Variants in SMPD3 observed in about 807,000 individuals in gnomAD.
SMPD3 encodes the protein nSMase-2.
A neutral mutation model predicts 55.7 loss-of-function variants in SMPD3; 21 were observed. That is an observed-to-expected ratio of 0.38 (90% CI 0.27 to 0.54). The LOEUF (loss-of-function observed/expected upper bound fraction) is 0.54. SMPD3 is among the 20% of genes least tolerant of loss of function. The pLI is 0.80. For missense variants in SMPD3, 842 were observed against 899.6 expected, an observed-to-expected ratio of 0.94 and a Z score of 0.82; for synonymous variants, 457 against 404.3, an observed-to-expected ratio of 1.13 and a Z score of -1.56.
chr16:68,409,475 A>G (rs1421659109), intron 1 of SMPD3, among the ~76,000 whole-genome samples: 1 of 152,178 alleles, frequency 6.6e-6, no homozygotes, highest in Non-Finnish European at 1.5e-5. Context: ...CCGTTTTTCC[A>G]TCTCTGAAGT....
chr16:68,423,922 T>C (rs2090415798), intron 1 of SMPD3, among the ~76,000 whole-genome samples: 1 of 151,950 alleles, frequency 6.6e-6, no homozygotes, highest in Admixed American at 6.5e-5. Context: ...AGAGCAGTGC[T>C]GGGGAGATGG....
intron 2 of SMPD3, 82 bp from the exon 3 acceptor site, chr16:68,372,469 C>T: frequency 2.1e-6 from 1 of 487,682 alleles, no homozygotes; most frequent in South Asian, 2.1e-5. Context: ...CCCAGCTCAT[C>T]CCACTCCTGC....
chr16:68,386,898 G>A (rs1024494957), intron 1 of SMPD3, among the ~76,000 whole-genome samples: 3 of 152,244 alleles, frequency 2.0e-5, no homozygotes, highest in Non-Finnish European at 2.9e-5. Context: ...GATTTTCAAG[G>A]AGGAGGGTTG....
chr16:68,363,707 G>A, intron 6 of SMPD3, 70 bp downstream of exon 6: 1 of 1,483,352 alleles, frequency 6.7e-7, no homozygotes, highest in South Asian at 1.2e-5. Flanking sequence ...TGTGGGGTAG[G>A]TCCTGGTGAT....
At chr16:68,366,206 C>T (rs1021884347) in intron 3 of SMPD3, among the ~76,000 whole-genome samples, 2 of 152,260 alleles carry the variant, frequency 1.3e-5, no homozygotes, top group African/African-American at 2.4e-5. Context: ...GTGGAGCTCA[C>T]AGCAGCCCAA....
intron 1 of SMPD3, among the ~76,000 whole-genome samples, chr16:68,437,912 G>T (rs1294170249): frequency 6.6e-6 from 1 of 152,182 alleles, no homozygotes; most frequent in Non-Finnish European, 1.5e-5. Flanking sequence ...AGAGAAATAA[G>T]CAGAATGAAT....
At chr16:68,414,502 G>A (rs1301176078) in intron 1 of SMPD3, among the ~76,000 whole-genome samples, 1 of 152,220 alleles carries the variant, frequency 6.6e-6, no homozygotes, top group African/African-American at 2.4e-5. Context: ...GATGGAGTCA[G>A]TCCTAATGCT....
chr16:68,440,214 T>C (rs1326900460), intron 1 of SMPD3, among the ~76,000 whole-genome samples: 1 of 152,224 alleles, frequency 6.6e-6, no homozygotes, highest in Non-Finnish European at 1.5e-5. Context: ...CATTGTTTTT[T>C]TGAGACGGTC....
chr16:68,363,901 G>A (rs567215232), intron 5 of SMPD3, 35 bp from the exon 6 acceptor site: 11 of 1,534,436 alleles, frequency 7.2e-6, no homozygotes, highest in East Asian at 2.4e-5. Flanking sequence ...GAGGCACCAG[G>A]GGGCTTTGCT....
At chr16:68,441,948 T>C (rs1056545785) in intron 1 of SMPD3, among the ~76,000 whole-genome samples, 9 of 152,142 alleles carry the variant, frequency 5.9e-5, no homozygotes, top group African/African-American at 1.7e-4. Context: ...TTATTTTTTA[T>C]AGAGACGGGG....
chr16:68,378,421 G>A (rs2089872201), intron 2 of SMPD3, among the ~76,000 whole-genome samples: 1 of 152,156 alleles, frequency 6.6e-6, no homozygotes, highest in Admixed American at 6.5e-5. Context: ...CACATCCCAG[G>A]TAGAATTGGG....
Position 68,363,134 on chromosome 16 carries a change from G to A in SMPD3, c.1709+362C>T, listed in dbSNP as rs147937476. ...AGCTGCCAGGCTGCCTTCAGCAGGC[G>A]CCGTACCCAGCAGCTCTTTCATGGG... is the stretch of plus-strand genomic sequence containing the variant. On this transcript the variant is annotated intron_variant, in intron 7 of 8. Coordinates refer to ENST00000219334, the MANE Select transcript of SMPD3 (RefSeq NM_018667.4). Among the ~76,000 whole-genome samples, 1,494 of 152,294 alleles carry A rather than the reference G, an allele frequency of 9.8e-3. 25 individuals carry two copies. The highest frequency in any genetic ancestry group is 0.033 in the African/African-American group (1,377 of 41,558).
chr16:68,418,134 G>T (rs148735047), intron 1 of SMPD3, among the ~76,000 whole-genome samples: 2 of 152,270 alleles, frequency 1.3e-5, no homozygotes, highest in East Asian at 3.9e-4. Context: ...CGGGCTGTCA[G>T]CCAAGGTGCA....
At position 68,359,205 on chromosome 16, in the gene SMPD3, AGG is replaced by A. The variant is rs2089076194; in HGVS notation, c.*1999_*2000del. 1 of 152,340 alleles carries A rather than the reference AGG, an allele frequency of 6.6e-6. No individual in the cohort carries two copies. Among genetic ancestry groups the A allele is most frequent in the Non-Finnish European group, 1.5e-5 (1 of 68,160 alleles). The allele number at this position is 152,340 out of a possible 1,614,324, so 9.4% of individuals were successfully genotyped here. On this transcript the variant is annotated 3_prime_UTR_variant, in exon 9 of 9. Transcript: ENST00000219334. ...GCAGTCGGCAGGCGGCTCGGGGTCT[AGG>A]GGTCCAGGGCCGGCCGGCCCAGTCG...
intron 3 of SMPD3, among the ~76,000 whole-genome samples, chr16:68,366,268 A>ACTG (rs1348621710): frequency 6.6e-6 from 1 of 152,058 alleles, no homozygotes; most frequent in Middle Eastern, 3.2e-3. Context: ...TCCTTCCTTC[A>ACTG]CTGCTGCAGT....
At position 68,402,070 on chromosome 16, in the gene SMPD3, G is replaced by A. The variant is rs111228323; in HGVS notation, c.-268-15411C>T. On this transcript the variant is annotated intron_variant, in intron 1 of 8. Coordinates refer to ENST00000219334, the MANE Select transcript of SMPD3 (RefSeq NM_018667.4). ...TCCGACTCTCCTTCACCCACGCCAC[G>A]GCTGGCTAGTGACCTTCCTCTGAGT... Among the ~76,000 whole-genome samples the A allele has an allele frequency of 2.5e-3, 378 of 152,244 alleles. 3 individuals are homozygous for A. Among genetic ancestry groups the A allele is most frequent in the African/African-American group, 9.0e-3 (374 of 41,536 alleles).
intron 3 of SMPD3, 101 bp downstream of exon 3, chr16:68,370,758 C>T (rs1375552157): frequency 1.0e-5 from 15 of 1,472,134 alleles, no homozygotes; most frequent in East Asian, 2.4e-5. Flanking sequence ...CCTCCCACTC[C>T]AGCCCCCATG....
intron 3 of SMPD3, chr16:68,368,176 G>A (rs2089542742): frequency 6.6e-6 from 1 of 152,608 alleles, no homozygotes; most frequent in African/African-American, 2.4e-5. Flanking sequence ...GAGGGCAGAG[G>A]AGCCCATGAA....
At chr16:68,441,708 A>T (rs1027494816) in intron 1 of SMPD3, among the ~76,000 whole-genome samples, 16 of 152,076 alleles carry the variant, frequency 1.1e-4, no homozygotes, top group Non-Finnish European at 2.2e-4. Context: ...ATAGACAGAC[A>T]TTCTACTTTT....
Sources: gnomAD v4.1 joint callset for allele counts (sites outside exome capture counted in the v4.1 genomes callset) on GRCh38, gnomAD v4.1.1 for gene constraint, MANE v1.5 for transcripts, NCBI Gene and HGNC (gene_info 2026-07-23, HGNC 2026-07-21) for gene names.